Variants in THSD4 observed in about 807,000 individuals in gnomAD.
THSD4 encodes the protein thrombospondin type-1 domain-containing protein 4.
In THSD4, 69 loss-of-function variants were observed where a neutral mutation model predicts 119.0. The observed-to-expected ratio is 0.58, with a 90% CI of 0.48 to 0.71. The LOEUF (loss-of-function observed/expected upper bound fraction) is 0.71. THSD4 is among the 30% of genes least tolerant of loss of function. The pLI, the probability that THSD4 is intolerant of heterozygous loss-of-function variation, is 0.00. For synonymous variants in THSD4, 524 were observed against 540.4 expected (o/e 0.97, Z 0.42); for missense variants, 1,393 against 1,391.1 (o/e 1.00, Z -0.02).
At chr15:71,732,343 A>G (rs901951575) in intron 10 of THSD4, 3 of 152,178 alleles carry the variant, frequency 2.0e-5, no homozygotes, top group African/African-American at 4.8e-5. Flanking sequence ...CTAACAATCC[A>G]TGTTGAGTCT....
At chr15:71,445,863 T>G (rs896581880) in intron 7 of THSD4, among the ~76,000 whole-genome samples, 1 of 152,250 alleles carries the variant, frequency 6.6e-6, no homozygotes, top group Non-Finnish European at 1.5e-5. Flanking sequence ...GCTTTGCTTT[T>G]TTTGTACATC....
chr15:71,283,826 A>G (rs1342441825), intron 6 of THSD4, among the ~76,000 whole-genome samples: 1 of 152,162 alleles, frequency 6.6e-6, no homozygotes, highest in Non-Finnish European at 1.5e-5. Flanking sequence ...AGTGGGCTGC[A>G]TTGCTGGGTT....
At chr15:71,113,987 C>A (rs1381773428), upstream of THSD4, among the ~76,000 whole-genome samples, 1 of 151,654 alleles carries the variant, frequency 6.6e-6, no homozygotes, top group African/African-American at 2.4e-5. Flanking sequence ...GCTGTTAGAT[C>A]GACTTAATTT....
chr15:71,163,214 T>G (rs972610383), intron 3 of THSD4, among the ~76,000 whole-genome samples: 1 of 151,968 alleles, frequency 6.6e-6, no homozygotes, highest in Non-Finnish European at 1.5e-5. Context: ...ATGTTTCTTG[T>G]GTCCCTGTGT....
At chr15:71,540,942 C>T (rs1158735661) in intron 7 of THSD4, among the ~76,000 whole-genome samples, 2 of 152,050 alleles carry the variant, frequency 1.3e-5, no homozygotes, top group Non-Finnish European at 2.9e-5. Flanking sequence ...AGGCTGGTCT[C>T]GAACTCCTGA....
In THSD4 at chr15:71,131,889, C is replaced by T. The variant is rs371261469; in HGVS notation, c.-79-9560C>T. On this transcript the variant is annotated intron_variant, in intron 1 of 17. Coordinates refer to ENST00000261862, the MANE Select transcript of THSD4 (RefSeq NM_024817.3). ...GAACCCAGGTGGAATTCCACCCGGA[C>T]GATGGTGGAATCACTCGATGGAAAA... 1.4e-4 allele frequency among the ~76,000 whole-genome samples: 22 copies of T among 152,262 alleles called. No homozygotes were observed. The East Asian group carries it at 1.7e-3, about 12-fold the overall frequency.
At chr15:71,384,227 A>T (rs1383088283) in intron 6 of THSD4, among the ~76,000 whole-genome samples, 1 of 152,122 alleles carries the variant, frequency 6.6e-6, no homozygotes, top group Non-Finnish European at 1.5e-5. Flanking sequence ...AAAATACAAA[A>T]ATTAGCTGGG....
chr15:71,663,589 G>A (rs952638592), intron 8 of THSD4, among the ~76,000 whole-genome samples: 2 of 152,108 alleles, frequency 1.3e-5, no homozygotes, highest in African/African-American at 4.8e-5. Flanking sequence ...CTCTTCACAG[G>A]TGTTCTCTTT....
At chr15:71,738,281 GT>G (rs141353531) in intron 11 of THSD4, 63,342 of 371,988 alleles carry the variant, frequency 0.17, 6,218 homozygotes, top group Non-Finnish European at 0.2. Context: ...CTATGAGAAT[GT>G]AACGCCACCA....
chr15:71,375,426 C>T (rs1295727400), intron 6 of THSD4, among the ~76,000 whole-genome samples: 3 of 152,196 alleles, frequency 2.0e-5, no homozygotes, highest in East Asian at 3.9e-4. Context: ...GCCTATGCTT[C>T]TCCCCTCCCA....
intron 6 of THSD4, among the ~76,000 whole-genome samples, chr15:71,394,751 T>C (rs530264423): frequency 3.7e-4 from 57 of 152,368 alleles, no homozygotes; most frequent in African/African-American, 1.3e-3. Context: ...GACTAAGTCG[T>C]TTCTCTATTG....
chr15:71,724,287 A>ATATATATTTTTT, intron 8 of THSD4, among the ~76,000 whole-genome samples: 2 of 37,284 alleles, frequency 5.4e-5, no homozygotes, highest in African/African-American at 1.3e-4. Flanking sequence ...ATATATATAT[A>ATATATATTTTTT]TTTTTTTTTT....
intron 7 of THSD4, among the ~76,000 whole-genome samples, chr15:71,538,239 C>T (rs372261171): frequency 3.9e-5 from 6 of 152,040 alleles, no homozygotes; most frequent in Admixed American, 2.0e-4. Context: ...TTCATACTTC[C>T]GTTGTTTGCA....
chr15:71,685,061 A>T (rs1013021630), intron 8 of THSD4, among the ~76,000 whole-genome samples: 2 of 151,912 alleles, frequency 1.3e-5, no homozygotes, highest in Admixed American at 1.3e-4. Flanking sequence ...ATATTCTCTT[A>T]TTTGGGCTTT....
intron 7 of THSD4, among the ~76,000 whole-genome samples, chr15:71,612,785 C>T (rs1285034135): frequency 6.6e-6 from 1 of 152,172 alleles, no homozygotes; most frequent in Non-Finnish European, 1.5e-5. Context: ...AAGGTCCAAG[C>T]CAGGGTACTC....
chr15:71,777,330 A>T lies in THSD4; in HGVS notation c.3013A>T (p.Thr1005Ser), dbSNP rs755460950. Residue 1005 changes from threonine (T) to serine (S), a missense_variant, in exon 18 of 18, where the codon ACC becomes TCC. Thr to Ser is a moderately conservative substitution (Grantham distance 58). Coordinates refer to ENST00000261862, the MANE Select transcript of THSD4 (RefSeq NM_024817.3). ...YYKTACCASC[T>S]RVANRQTGFL... ...CAAGACCGCCTGCTGTGCCTCCTGC[A>T]CCCGTGTGGCCAACAGGCAGACGGG... The T allele has an allele frequency of 6.2e-7, 1 of 1,614,178 alleles. No individual in the cohort carries two copies. Among genetic ancestry groups the T allele is most frequent in the East Asian group, 2.2e-5 (1 of 44,872 alleles).
intron 6 of THSD4, among the ~76,000 whole-genome samples, chr15:71,279,605 C>T (rs924166884): frequency 1.3e-5 from 2 of 152,134 alleles, no homozygotes. Context: ...CTGGGGCATC[C>T]GTACCGCCCT....
rs559462095 is a variant in THSD4, at chr15:71,772,714, G to A, written c.2914+1506G>A. ...TGATATAGGCATACCATATACCAACGTTATAATGCAGAATTCTGAAACAGA... is the reference window on the plus strand; with the variant it reads ...TGATATAGGCATACCATATACCAACATTATAATGCAGAATTCTGAAACAGA... On this transcript the variant is annotated intron_variant, in intron 17 of 17. Transcript: ENST00000261862. Among the ~76,000 whole-genome samples the A allele has an allele frequency of 9.2e-5, 14 of 152,188 alleles. No homozygotes were observed. The South Asian group carries it at 2.3e-3, about 25-fold the overall frequency.
At chr15:71,569,602 C>A (rs556820127) in intron 7 of THSD4, among the ~76,000 whole-genome samples, 3 of 152,248 alleles carry the variant, frequency 2.0e-5, no homozygotes, top group African/African-American at 4.8e-5. Flanking sequence ...AAACTCCGTG[C>A]CTTTACATCT....
Sources: gnomAD v4.1 joint callset for allele counts (sites outside exome capture counted in the v4.1 genomes callset) on GRCh38, gnomAD v4.1.1 for gene constraint, MANE v1.5 for transcripts, NCBI Gene and HGNC (gene_info 2026-07-23, HGNC 2026-07-21) for gene names.